The following SWT1 variants were observed in gnomAD, a reference collection of about 807,000 sequenced individuals.
The protein encoded by SWT1 is transcriptional protein SWT1.
A neutral mutation model predicts 107.3 loss-of-function variants in SWT1; 33 were observed. The observed-to-expected ratio is 0.31, with a 90% CI of 0.23 to 0.41. The LOEUF (loss-of-function observed/expected upper bound fraction) is 0.41. SWT1 is among the 10% of genes least tolerant of loss of function. The pLI is 1.00. For synonymous variants in SWT1, 345 were observed against 348.3 expected (o/e 0.99, Z 0.11); for missense variants, 898 against 1,028.9 (o/e 0.87, Z 1.74).
At chr1:185,228,128 G>A (rs147117520) in intron 15 of SWT1, among the ~76,000 whole-genome samples, 1 of 145,824 alleles carries the variant, frequency 6.9e-6, no homozygotes, top group East Asian at 2.0e-4. Flanking sequence ...GGAACCTGTG[G>A]TAAACATCTT....
intron 5 of SWT1, among the ~76,000 whole-genome samples, chr1:185,180,146 T>C (rs976993174): frequency 6.6e-6 from 1 of 152,142 alleles, no homozygotes; most frequent in Non-Finnish European, 1.5e-5. Context: ...GTTGTGCCAT[T>C]GCACTCCAGT....
chr1:185,270,302 T>TTTC (rs1553267919), intron 16 of SWT1, among the ~76,000 whole-genome samples: 10 of 146,190 alleles, frequency 6.8e-5, no homozygotes, highest in Admixed American at 1.4e-4. Context: ...TTTTTTTTTT[T>TTTC]CCAAAAGAAA....
rs770353981 is a variant in SWT1 at position 185,182,027 on chromosome 1, G to A, written c.1108G>A (p.Asp370Asn). The A allele has an allele frequency of 2.5e-6, 4 of 1,613,456 alleles. No homozygotes were observed. The Admixed American group carries it at 6.7e-5, about 27-fold the overall frequency. ...TGGAGAGTTAATGAGTATGGAAATT[G>A]ACTTAGAAGATGATGTACATTCCTC... is the stretch of plus-strand genomic sequence containing the variant. Reference protein sequence around the residue: ...LPGELMSMEIDLEDDVHSSSA... With the variant: ...LPGELMSMEINLEDDVHSSSA... Residue 370 changes from aspartate (D) to asparagine (N), a missense_variant, in exon 7 of 19, where the codon GAC becomes AAC. This residue lies in a region of SWT1 where 94 missense variants were observed against 114.5 expected (regional missense o/e 0.82). Transcript: ENST00000367500.
At chr1:185,279,730 C>G (rs976431509) in intron 18 of SWT1, among the ~76,000 whole-genome samples, 1 of 149,728 alleles carries the variant, frequency 6.7e-6, no homozygotes, top group Non-Finnish European at 1.5e-5. Flanking sequence ...TTCACTGGTT[C>G]ATACTAGATA....
At chr1:185,158,753 A>G (rs1653875629) in intron 1 of SWT1, among the ~76,000 whole-genome samples, 1 of 152,208 alleles carries the variant, frequency 6.6e-6, no homozygotes. Flanking sequence ...AATGTTATTC[A>G]TCTATTGCTA....
intron 16 of SWT1, chr1:185,257,822 A>G (rs1022412525): frequency 4.6e-5 from 7 of 152,064 alleles, no homozygotes; most frequent in African/African-American, 1.4e-4. Flanking sequence ...TATATTTTTT[A>G]TTGTGATTAT....
At chr1:185,158,268 GGT>G (rs913093754) in intron 1 of SWT1, among the ~76,000 whole-genome samples, 2 of 151,618 alleles carry the variant, frequency 1.3e-5, no homozygotes, top group Admixed American at 6.6e-5. Flanking sequence ...TATCTGGAGG[GGT>G]GTGTGTGTGT....
intron 10 of SWT1, among the ~76,000 whole-genome samples, chr1:185,202,041 C>T (rs543984936): frequency 5.9e-5 from 9 of 152,204 alleles, no homozygotes; most frequent in South Asian, 4.2e-4. Flanking sequence ...AGCCTACTGG[C>T]CTCCAGAACA....
chr1:185,164,187 T>C (rs536726159), intron 2 of SWT1, among the ~76,000 whole-genome samples: 72 of 152,132 alleles, frequency 4.7e-4, no homozygotes, highest in African/African-American at 1.5e-3. Context: ...TTTTTTTTTT[T>C]CTGAACAGTA....
At chr1:185,230,850 C>T (rs560293075) in intron 15 of SWT1, among the ~76,000 whole-genome samples, 5 of 152,128 alleles carry the variant, frequency 3.3e-5, no homozygotes, top group African/African-American at 1.2e-4. Flanking sequence ...TGGGTTCAAG[C>T]GATCCTCCCA....
chr1:185,201,217 C>T (rs1259322495), intron 10 of SWT1, among the ~76,000 whole-genome samples: 1 of 152,030 alleles, frequency 6.6e-6, no homozygotes, highest in Non-Finnish European at 1.5e-5. Flanking sequence ...GGAGCTAGAC[C>T]ACTTGGCTCT....
At chr1:185,246,469 G>A (rs1442996778) in intron 16 of SWT1, among the ~76,000 whole-genome samples, 1 of 151,814 alleles carries the variant, frequency 6.6e-6, no homozygotes, top group East Asian at 1.9e-4. Context: ...TAGAGACCAG[G>A]TCTTGCCATG....
intron 1 of SWT1, among the ~76,000 whole-genome samples, chr1:185,159,193 T>C (rs1653928548): frequency 6.6e-6 from 1 of 152,232 alleles, no homozygotes; most frequent in Non-Finnish European, 1.5e-5. Flanking sequence ...GTCAGCCTTA[T>C]TCATTGTGGT....
rs756208610 is a variant in SWT1, at chr1:185,174,389, A to G, written c.242A>G (p.Asp81Gly). 4 of 1,551,266 alleles carry G rather than the reference A, an allele frequency of 2.6e-6. No homozygotes were observed. Among genetic ancestry groups the G allele is most frequent in the African/African-American group, 2.8e-5 (2 of 72,128 alleles). Reference protein sequence around the residue: ...QGLKRLSVEIDTLRRRPKIGS... With the variant: ...QGLKRLSVEIGTLRRRPKIGS... ...TTTTACAGATTGAGTGTAGAAATTG[A>G]CACTCTCAGAAGGAGACCAAAAATC... Residue 81 changes from aspartate to glycine, a missense_variant, in exon 5 of 19, where the codon GAC becomes GGC. By Grantham distance (94) the Asp-to-Gly change is moderately conservative. Coordinates refer to ENST00000367500, the MANE Select transcript of SWT1 (RefSeq NM_017673.7).
At chr1:185,221,759 C>G (rs1192058008) in intron 14 of SWT1, 90 bp from the exon 15 acceptor site, 11 of 854,878 alleles carry the variant, frequency 1.3e-5, no homozygotes, top group Non-Finnish European at 1.9e-5. Flanking sequence ...TCTCAGAAAG[C>G]TAGAACATTT....
intron 4 of SWT1, among the ~76,000 whole-genome samples, chr1:185,170,317 A>G (rs956978644): frequency 6.6e-6 from 1 of 152,372 alleles, no homozygotes. Flanking sequence ...CACTGGCTGC[A>G]ACAATTCTGT....
At chr1:185,256,999 A>G (rs1181062354) in intron 16 of SWT1, among the ~76,000 whole-genome samples, 3 of 152,110 alleles carry the variant, frequency 2.0e-5, no homozygotes. Context: ...TCCTTCTAAC[A>G]GACAGGACCC....
rs75265166 is a variant in SWT1, at chr1:185,271,513, T to C, written c.2508+124T>C. On this transcript the variant is annotated intron_variant, in intron 17 of 18. Coordinates refer to ENST00000367500, the MANE Select transcript of SWT1 (RefSeq NM_017673.7). Reference sequence around the variant, plus strand: ...TTTAATTGATATTTGCTTTAAATTATTGAATGCCATAAAAGTTTGTCAGTG... The same window carrying C: ...TTTAATTGATATTTGCTTTAAATTACTGAATGCCATAAAAGTTTGTCAGTG... The C allele has an allele frequency of 6.4e-3, 3,756 of 584,942 alleles. 22 individuals are homozygous for C. Among genetic ancestry groups the C allele is most frequent in the Non-Finnish European group, 6.8e-3 (2,217 of 325,832 alleles). The allele number at this position is 584,942 out of a possible 1,614,324, so 36.2% of individuals were successfully genotyped here.
rs146587779 is a variant in SWT1 at position 185,177,266 on chromosome 1, T to A, written c.966+2153T>A. Among the ~76,000 whole-genome samples, 503 of 152,344 alleles carry A rather than the reference T, an allele frequency of 3.3e-3. 4 individuals carry two copies. The highest frequency in any genetic ancestry group is 0.012 in the African/African-American group (480 of 41,570). On this transcript the variant is annotated intron_variant, in intron 5 of 18. Transcript: ENST00000367500. ...AAGTTGCCAGTATGTTCAGTGATCA[T>A]CATTGTGTCATTGCCTGGTTTTCCC...
Sources: gnomAD v4.1 joint callset for allele counts (sites outside exome capture counted in the v4.1 genomes callset) on GRCh38, gnomAD v4.1.1 for gene constraint, gnomAD v4.1.1 regional missense constraint, MANE v1.5 for transcripts, NCBI Gene and HGNC (gene_info 2026-07-23, HGNC 2026-07-21) for gene names.